Variants in IST1 observed in about 807,000 individuals in gnomAD.
The protein encoded by IST1 is IST1 homolog.
Under a neutral mutation model 37.0 loss-of-function variants are expected in IST1, and 23 were observed. The ratio of observed to expected loss-of-function variants is 0.62; its 90% CI spans 0.45 to 0.88. The LOEUF (loss-of-function observed/expected upper bound fraction) is 0.88, where lower values mean the gene tolerates loss of function less well. IST1 is among the 40% of genes least tolerant of loss of function. IST1 has a pLI of 0.00. For synonymous variants in IST1, 180 were observed against 161.7 expected, an observed-to-expected ratio of 1.11 and a Z score of -0.86; for missense variants, 488 against 445.4, an observed-to-expected ratio of 1.10 and a Z score of -0.86.
chr16:71,909,049 G>T (rs1169247230), intron 1 of IST1, among the ~76,000 whole-genome samples: 2 of 145,192 alleles, frequency 1.4e-5, no homozygotes, highest in Non-Finnish European at 1.5e-5. Flanking sequence ...GTTTAATTTT[G>T]TCTGCTGCAT....
At chr16:71,901,817 G>A (rs1179827601) in intron 1 of IST1, among the ~76,000 whole-genome samples, 1 of 152,084 alleles carries the variant, frequency 6.6e-6, no homozygotes, top group Non-Finnish European at 1.5e-5. Flanking sequence ...ATACATGAGC[G>A]ACAGCTTTGT....
intron 1 of IST1, among the ~76,000 whole-genome samples, chr16:71,910,555 G>T (rs915704309): frequency 2.7e-5 from 4 of 150,354 alleles, no homozygotes; most frequent in African/African-American, 9.8e-5. Flanking sequence ...GCAGTGGGCC[G>T]AGATTGTGCC....
chr16:71,897,185 T>C (rs2142515181), intron 1 of IST1, among the ~76,000 whole-genome samples: 1 of 150,140 alleles, frequency 6.7e-6, no homozygotes, highest in African/African-American at 2.4e-5. Flanking sequence ...TTTTTTTTTT[T>C]TTTTTTTGGT....
intron 4 of IST1, 109 bp downstream of exon 4, chr16:71,917,243 T>C (rs1354336411): frequency 7.9e-6 from 5 of 630,060 alleles, no homozygotes; most frequent in Non-Finnish European, 1.3e-5. Context: ...ACCATTCTTA[T>C]GTTGCTTTTG....
rs1410379016 is a variant in IST1, at chr16:71,929,102, G to C, written c.*1289G>C. On this transcript the variant is annotated 3_prime_UTR_variant, in exon 10 of 10. Transcript: ENST00000378799. ...AGTGATCCATGTAAACCAGCCCTTA[G>C]TTTCAGGATTCCTGGAGCAGTACAG... The C allele has an allele frequency of 6.5e-6, 1 of 154,222 alleles. No individual in the cohort carries two copies. Among genetic ancestry groups the C allele is most frequent in the African/African-American group, 2.4e-5 (1 of 41,476 alleles). The allele number at this position is 154,222 out of a possible 1,614,324, so 9.6% of individuals were successfully genotyped here. A position where few individuals can be genotyped will look rare whatever the true frequency, so the allele number is the denominator to read the frequency against.
At chr16:71,907,933 T>G (rs542526076) in intron 1 of IST1, among the ~76,000 whole-genome samples, 1 of 152,124 alleles carries the variant, frequency 6.6e-6, no homozygotes, top group Admixed American at 6.6e-5. Flanking sequence ...TTCTGAGATT[T>G]GTCTCCTCTT....
intron 5 of IST1, chr16:71,921,111 G>A (rs2037570064): frequency 8.4e-6 from 5 of 598,048 alleles, no homozygotes; most frequent in Non-Finnish European, 1.5e-5. Flanking sequence ...AACTGTGGAA[G>A]GCAGCAGTAT....
chr16:71,920,922 G>T lies in IST1; in HGVS notation c.441+100G>T, dbSNP rs116736703. 3,038 of 877,402 alleles carry T rather than the reference G, an allele frequency of 3.5e-3. 59 individuals carry two copies. In the African/African-American group the frequency reaches 0.045, roughly 13 times the overall value. 54.4% of individuals were successfully genotyped at this position (877,402 alleles called of 1,614,324 possible). ...GGGTACCACTGTATTGCTCAGTATG[G>T]GGTTTCACCTTTCATAGTGGGGTGA... On this transcript the variant is annotated intron_variant, in intron 5 of 9. Transcript: ENST00000378799.
chr16:71,916,381 T>C, intron 2 of IST1, 81 bp from the exon 3 acceptor site: 2 of 1,374,984 alleles, frequency 1.5e-6, no homozygotes, highest in Non-Finnish European at 2.0e-6. Flanking sequence ...CACCCAGTTC[T>C]TCCTGTTGGG....
chr16:71,921,954 G>A (rs529302643), intron 6 of IST1, among the ~76,000 whole-genome samples: 2 of 152,128 alleles, frequency 1.3e-5, no homozygotes, highest in African/African-American at 4.8e-5. Flanking sequence ...TGGCTAACAC[G>A]GTGAAACCCT....
intron 1 of IST1, among the ~76,000 whole-genome samples, chr16:71,900,161 G>A (rs1374792106): frequency 4.3e-5 from 5 of 116,070 alleles, no homozygotes; most frequent in East Asian, 9.3e-4. Context: ...AGTGAAACTC[G>A]GTCTCAAAAA....
intron 1 of IST1, among the ~76,000 whole-genome samples, chr16:71,900,027 G>A (rs1759272837): frequency 6.6e-6 from 1 of 150,708 alleles, no homozygotes; most frequent in African/African-American, 2.4e-5. Context: ...TTAGCTGGGC[G>A]TGATGGCAGA....
At position 71,923,397 on chromosome 16, in the gene IST1, CT is replaced by C. The variant is rs745513253; in HGVS notation, c.852+21del. On this transcript the variant is annotated intron_variant, in intron 8 of 9. Transcript: ENST00000378799. Reference sequence around the variant, plus strand: ...TATGAATCTGTAAGTGCCTGAGCCTCTTTTATAAGCAACAGGAGAGTGAATG... The same window carrying C: ...TATGAATCTGTAAGTGCCTGAGCCTCTTTATAAGCAACAGGAGAGTGAATG... The C allele has an allele frequency of 5.0e-4, 751 of 1,489,710 alleles. No individual in the cohort carries two copies. Among genetic ancestry groups the C allele is most frequent in the Non-Finnish European group, 6.6e-4 (709 of 1,068,026 alleles). 92.3% of individuals were successfully genotyped at this position (1,489,710 alleles called of 1,614,324 possible). A position where few individuals can be genotyped will look rare whatever the true frequency, so the allele number is the denominator to read the frequency against.
chr16:71,901,836 C>G (rs1278417052), intron 1 of IST1, among the ~76,000 whole-genome samples: 1 of 152,174 alleles, frequency 6.6e-6, no homozygotes, highest in Non-Finnish European at 1.5e-5. Context: ...GTACAAAACA[C>G]TGTGCTAGGC....
chr16:71,908,318 T>TTTTTG (rs1555509418), intron 1 of IST1, among the ~76,000 whole-genome samples: 1 of 148,146 alleles, frequency 6.8e-6, no homozygotes, highest in Non-Finnish European at 1.5e-5. Context: ...TTTTTTTTTT[T>TTTTTG]GGAGACAGTC....
chr16:71,906,130 A>T (rs895993828), intron 1 of IST1, among the ~76,000 whole-genome samples: 10 of 150,806 alleles, frequency 6.6e-5, no homozygotes, highest in Non-Finnish European at 8.8e-5. Flanking sequence ...CAGCCTCCCG[A>T]GTAGCTGAGA....
chr16:71,921,856 A>C (rs887044415), intron 6 of IST1: 1 of 196,386 alleles, frequency 5.1e-6, no homozygotes, highest in East Asian at 1.3e-4. Context: ...CCAGTTGGCC[A>C]GGTGCGGTGG....
intron 1 of IST1, among the ~76,000 whole-genome samples, chr16:71,907,901 C>T (rs1309219684): frequency 6.6e-6 from 1 of 152,224 alleles, no homozygotes; most frequent in Admixed American, 6.5e-5. Context: ...CCTGCCTCAG[C>T]CCCCTGAGAA....
At position 71,920,804 on chromosome 16, in the gene IST1, T is replaced by G. The variant is rs778799978; in HGVS notation, c.423T>G (p.Ile141Met). ...EYGKLCRTNQ[I>M]GTVNDRLMHK... ...GCAAGCTATGTAGGACCAACCAGAT[T>G]GGAACTGTGAATGACAGGGTAATGA... Residue 141 changes from isoleucine to methionine, a missense_variant, in exon 5 of 10, where the codon ATT becomes ATG. By Grantham distance (10) the Ile-to-Met change is conservative. Around this residue, in one of 2 missense-constraint regions of IST1, gnomAD observed 455 missense variants for 386.2 expected, o/e 1.18. Coordinates refer to ENST00000378799, the MANE Select transcript of IST1 (RefSeq NM_001270975.2). 1.2e-6 allele frequency: 2 copies of G among 1,612,824 alleles called. No individual in the cohort carries two copies. Among genetic ancestry groups the G allele is most frequent in the South Asian group, 2.2e-5 (2 of 91,054 alleles).
Sources: gnomAD v4.1 joint callset for allele counts (sites outside exome capture counted in the v4.1 genomes callset) on GRCh38, gnomAD v4.1.1 for gene constraint, gnomAD v4.1.1 regional missense constraint, MANE v1.5 for transcripts, NCBI Gene and HGNC (gene_info 2026-07-23, HGNC 2026-07-21) for gene names.